The following ARFGEF3 variants were observed in gnomAD, a reference collection of about 807,000 sequenced individuals.
ARFGEF3 encodes the protein brefeldin A-inhibited guanine nucleotide-exchange protein 3.
ARFGEF3 carries 96 observed loss-of-function variants against 221.7 expected under a neutral mutation model. That is an observed-to-expected ratio of 0.43 (90% confidence interval 0.37 to 0.51). ARFGEF3 has a LOEUF of 0.51. ARFGEF3 is among the 20% of genes least tolerant of loss of function. The probability of loss-of-function intolerance (pLI) is 0.00; values close to 1 mark genes in which losing one functional copy is unlikely to be tolerated. For missense variants in ARFGEF3, 2,410 were observed against 2,789.9 expected (o/e 0.86, Z 3.07); for synonymous variants, 1,145 against 1,126.8 (o/e 1.02, Z -0.32).
At chr6:138,276,580 A>AT (rs1289974612) in intron 12 of ARFGEF3, among the ~76,000 whole-genome samples, 1 of 150,670 alleles carries the variant, frequency 6.6e-6, no homozygotes, top group Non-Finnish European at 1.5e-5. Flanking sequence ...TTCCTCATTT[A>AT]TTTTTTTAAC....
In ARFGEF3 at chr6:138,167,833, C is replaced by T. The variant is rs575338463; in HGVS notation, c.86-2829C>T. 7.7e-4 allele frequency among the ~76,000 whole-genome samples: 117 copies of T among 152,312 alleles called. 4 individuals carry two copies. The highest frequency in any genetic ancestry group is 7.6e-3 in the Admixed American group (116 of 15,308). ...TTTCATGACATGCCATGTTAAAACA[C>T]TGAATAGCATCCCATTAGGATAAAA... is the stretch of plus-strand genomic sequence containing the variant. On this transcript the variant is annotated intron_variant, in intron 1 of 33. Coordinates refer to ENST00000251691, the MANE Select transcript of ARFGEF3 (RefSeq NM_020340.5).
At chr6:138,300,716 C>T (rs140146099) in intron 22 of ARFGEF3, among the ~76,000 whole-genome samples, 67 of 152,330 alleles carry the variant, frequency 4.4e-4, no homozygotes, top group Non-Finnish European at 8.4e-4. Flanking sequence ...AGCAAAATTG[C>T]AGTCTGGGAC....
chr6:138,179,663 T>G (rs151202103), intron 2 of ARFGEF3, among the ~76,000 whole-genome samples: 20 of 152,352 alleles, frequency 1.3e-4, no homozygotes, highest in African/African-American at 4.3e-4. Context: ...TGTTTATACT[T>G]GGAGAGAACC....
Position 138,320,948 on chromosome 6 carries a change from G to C in ARFGEF3, c.4652-163G>C, listed in dbSNP as rs920159693. On this transcript the variant is annotated intron_variant, in intron 28 of 33. Coordinates refer to ENST00000251691, the MANE Select transcript of ARFGEF3 (RefSeq NM_020340.5). Reference sequence around the variant, plus strand: ...TTATTGTTTTACTGGGTTTTGGCGGGGGGGGGCAGGAGGAGGATATGGCCA... The same window carrying C: ...TTATTGTTTTACTGGGTTTTGGCGGCGGGGGGCAGGAGGAGGATATGGCCA... Among the ~76,000 whole-genome samples the C allele has an allele frequency of 6.6e-5, 10 of 152,006 alleles. 1 individual carries two copies. The highest frequency in any genetic ancestry group is 6.2e-4 in the South Asian group (3 of 4,818).
Position 138,294,004 on chromosome 6 carries a change from A to C in ARFGEF3, c.3380A>C (p.Asp1127Ala), listed in dbSNP as rs1779462095. Residue 1127 changes from aspartate to alanine, a missense_variant, in exon 20 of 34, where the codon GAT becomes GCT. Around this residue, in one of 5 missense-constraint regions of ARFGEF3, gnomAD observed 184 missense variants for 141.8 expected, o/e 1.30. Transcript: ENST00000251691. Reference protein sequence around the residue: ...LSTQADRLFEDATDKLNLMAL... With the variant: ...LSTQADRLFEAATDKLNLMAL... ...CTGTTTGCATCCAGGCTCTTTGAAG[A>C]TGCTACGGATAAGTTGAACCTCATG... 1.2e-6 allele frequency: 2 copies of C among 1,613,566 alleles called. No individual in the cohort carries two copies. Among genetic ancestry groups the C allele is most frequent in the Non-Finnish European group, 1.7e-6 (2 of 1,179,836 alleles).
intron 32 of ARFGEF3, among the ~76,000 whole-genome samples, chr6:138,329,078 T>C (rs1241794636): frequency 6.6e-6 from 1 of 152,204 alleles, no homozygotes; most frequent in East Asian, 1.9e-4. Context: ...GGAACAATGA[T>C]GGCTATTGGG....
chr6:138,281,144 G>A (rs866949409), intron 14 of ARFGEF3, among the ~76,000 whole-genome samples: 2 of 152,126 alleles, frequency 1.3e-5, no homozygotes, highest in Non-Finnish European at 2.9e-5. Flanking sequence ...CTTGAGTAAA[G>A]GATCAGTAAC....
Position 138,317,141 on chromosome 6 carries a change from T to C in ARFGEF3, c.4346-110T>C, listed in dbSNP as rs1779939422. On this transcript the variant is annotated intron_variant, in intron 26 of 33. Transcript: ENST00000251691. Reference sequence around the variant, plus strand: ...AAGGCTAACAACACTGGGTGATGGCTCACGTCTGTATAGCACTTGGCAGTT... The same window carrying C: ...AAGGCTAACAACACTGGGTGATGGCCCACGTCTGTATAGCACTTGGCAGTT... The C allele has an allele frequency of 8.9e-6, 10 of 1,129,626 alleles. No individual in the cohort carries two copies. The African/African-American group carries it at 1.4e-4, about 16-fold the overall frequency. 70.0% of individuals were successfully genotyped at this position (1,129,626 alleles called of 1,614,324 possible).
intron 2 of ARFGEF3, among the ~76,000 whole-genome samples, chr6:138,180,080 T>G (rs149927479): frequency 2.0e-5 from 3 of 152,358 alleles, no homozygotes; most frequent in African/African-American, 7.2e-5. Flanking sequence ...CCCAAAGTGT[T>G]GGAGTTACAG....
intron 12 of ARFGEF3, among the ~76,000 whole-genome samples, chr6:138,268,475 T>C (rs1487118152): frequency 6.6e-6 from 1 of 152,206 alleles, no homozygotes; most frequent in Admixed American, 6.5e-5. Flanking sequence ...ACAGCTAATA[T>C]GCCATTGAAA....
At chr6:138,214,511 G>A (rs1777798105) in intron 4 of ARFGEF3, among the ~76,000 whole-genome samples, 2 of 152,196 alleles carry the variant, frequency 1.3e-5, no homozygotes, top group African/African-American at 2.4e-5. Context: ...CCACAGCATA[G>A]CACGTTGTTA....
In ARFGEF3 at chr6:138,341,468, A is replaced by T. The variant is rs1197064922; in HGVS notation, c.*4982A>T. ...GAAAATCCAGAGTCTTGCAGTAAGC[A>T]GATGACAAAACTTCAATATGCTTGG... On this transcript the variant is annotated 3_prime_UTR_variant, in exon 34 of 34. Transcript: ENST00000251691. 1 of 154,860 alleles carries T rather than the reference A, an allele frequency of 6.5e-6. No individual in the cohort carries two copies. Among genetic ancestry groups the T allele is most frequent in the Non-Finnish European group, 1.5e-5 (1 of 68,236 alleles). The allele number at this position is 154,860 out of a possible 1,614,324, so 9.6% of individuals were successfully genotyped here. A position where few individuals can be genotyped will look rare whatever the true frequency, so the allele number is the denominator to read the frequency against.
In ARFGEF3 at chr6:138,321,124, G is replaced by A; in HGVS notation, c.4665G>A (p.Glu1555=). Residue 1555 remains glutamate, a synonymous_variant, in exon 29 of 34, where the codon GAG becomes GAA. Coordinates refer to ENST00000251691, the MANE Select transcript of ARFGEF3 (RefSeq NM_020340.5). The stretch of plus-strand genomic sequence containing the variant: ...TGTTTCCCATAGATATCAGGTACGA[G>A]AGCATGATCAATACCATGCTGAAGG... ...QSFLHSDIRY[E]SMINTMLKDL... 3 of 1,554,274 alleles carry A rather than the reference G, an allele frequency of 1.9e-6. No individual in the cohort carries two copies. Among genetic ancestry groups the A allele is most frequent in the South Asian group, 1.2e-5 (1 of 84,354 alleles).
At position 138,342,997 on chromosome 6, in the gene ARFGEF3, G is replaced by A. The variant is rs951238594; in HGVS notation, c.*6511G>A. ...TTGTTTGTGCACATATCTACATGGTGGAGACCATATTCATTATTTCATCTT... is the reference window on the plus strand; with the variant it reads ...TTGTTTGTGCACATATCTACATGGTAGAGACCATATTCATTATTTCATCTT... On this transcript the variant is annotated 3_prime_UTR_variant, in exon 34 of 34. Coordinates refer to ENST00000251691, the MANE Select transcript of ARFGEF3 (RefSeq NM_020340.5). 6.6e-6 allele frequency: 1 copy of A among 152,152 alleles called. No individual in the cohort carries two copies. Among genetic ancestry groups the A allele is most frequent in the African/African-American group, 2.4e-5 (1 of 41,420 alleles). 9.4% of individuals were successfully genotyped at this position (152,152 alleles called of 1,614,324 possible). A position where few individuals can be genotyped will look rare whatever the true frequency, so the allele number is the denominator to read the frequency against.
At position 138,250,431 on chromosome 6, in the gene ARFGEF3, T is replaced by C. The variant is rs954570434; in HGVS notation, c.666-3449T>C. Among the ~76,000 whole-genome samples the C allele has an allele frequency of 2.0e-5, 3 of 152,352 alleles. No individual in the cohort carries two copies. In the East Asian group the frequency reaches 5.8e-4, roughly 29 times the overall value. On this transcript the variant is annotated intron_variant, in intron 8 of 33. Transcript: ENST00000251691. Reference sequence around the variant, plus strand: ...TTCTCTCTCCTCCTAGAACAGAGAATGTTAGAGCGAAACCTATACCAACGC... The same window carrying C: ...TTCTCTCTCCTCCTAGAACAGAGAACGTTAGAGCGAAACCTATACCAACGC...
rs113813772 is a variant in ARFGEF3 at position 138,335,544 on chromosome 6, CAAAAAA to C, written c.6342+367_6342+372del. The stretch of plus-strand genomic sequence containing the variant: ...AACACGGCAAAACCCATCATCTCTA[CAAAAAA>C]AAAAAAAAAATTAGCTGGGAGAGGT... On this transcript the variant is annotated intron_variant, in intron 33 of 33. Transcript: ENST00000251691. 6.7e-3 allele frequency among the ~76,000 whole-genome samples: 857 copies of C among 127,014 alleles called. 5 individuals carry two copies. Among genetic ancestry groups the C allele is most frequent in the Non-Finnish European group, 0.012 (683 of 56,952 alleles). The allele number at this position is 127,014 out of a possible 152,430, so 83.3% of individuals were successfully genotyped here.
chr6:138,277,263 T>A (rs184149940), intron 12 of ARFGEF3, among the ~76,000 whole-genome samples: 1 of 152,370 alleles, frequency 6.6e-6, no homozygotes, highest in East Asian at 1.9e-4. Context: ...AGCATAATGT[T>A]TTCAAGGCGC....
intron 22 of ARFGEF3, among the ~76,000 whole-genome samples, chr6:138,304,745 G>A (rs1037294153): frequency 6.6e-6 from 1 of 152,116 alleles, no homozygotes; most frequent in Non-Finnish European, 1.5e-5. Flanking sequence ...TTACACCTTT[G>A]GTTTGATCAC....
rs1377226931 is a variant in ARFGEF3, at chr6:138,263,105, T to C, written c.1622T>C (p.Ile541Thr). Reference sequence around the variant, plus strand: ...AAGAACAGTCTCAAGTCGCCAGCCATCCCAGAGGGTAAGGAGACGCTGAGC... The same window carrying C: ...AAGAACAGTCTCAAGTCGCCAGCCACCCCAGAGGGTAAGGAGACGCTGAGC... ...NHKNSLKSPA[I>T]PEGKETLSKV... The change falls in exon 12 of 34, where the codon ATC (isoleucine) becomes ACC (threonine). Residue 541 changes from isoleucine to threonine, a missense_variant. Around this residue, in one of 5 missense-constraint regions of ARFGEF3, gnomAD observed 594 missense variants for 734.3 expected, o/e 0.81. Coordinates refer to ENST00000251691, the MANE Select transcript of ARFGEF3 (RefSeq NM_020340.5). 6.2e-7 allele frequency: 1 copy of C among 1,613,788 alleles called. No individual in the cohort carries two copies. Among genetic ancestry groups the C allele is most frequent in the Admixed American group, 1.7e-5 (1 of 60,020 alleles).
Sources: allele counts gnomAD v4.1 joint callset (sites outside exome capture counted in the v4.1 genomes callset), GRCh38; gene constraint gnomAD v4.1.1; regional missense constraint gnomAD v4.1.1; transcripts MANE v1.5; gene names NCBI Gene and HGNC (gene_info 2026-07-23, HGNC 2026-07-21).